RANBP3: variants seen among roughly 807,000 people sequenced by gnomAD.
RANBP3 encodes RAN binding protein 3.
A neutral mutation model predicts 77.3 loss-of-function variants in RANBP3; 14 were observed. That is an observed-to-expected ratio of 0.18 (90% CI 0.12 to 0.28). The LOEUF (loss-of-function observed/expected upper bound fraction) is 0.28, where lower values mean the gene tolerates loss of function less well. Ranked by LOEUF, RANBP3 falls within the 10% of genes least tolerant of loss-of-function variation. RANBP3 has a pLI of 1.00. For synonymous variants in RANBP3, 315 were observed against 312.4 expected (o/e 1.01, Z -0.09); for missense variants, 586 against 752.3 (o/e 0.78, Z 2.59).
At chr19:5,950,445 C>CT (rs1413207686) in intron 3 of RANBP3, 1 of 152,838 alleles carries the variant, frequency 6.5e-6, no homozygotes, top group Non-Finnish European at 1.5e-5. Flanking sequence ...CTGAACAGTG[C>CT]TTCCTAAGTG....
At chr19:5,943,070 C>G (rs1442700259) in intron 3 of RANBP3, among the ~76,000 whole-genome samples, 1 of 152,186 alleles carries the variant, frequency 6.6e-6, no homozygotes, top group Non-Finnish European at 1.5e-5. Flanking sequence ...TATCCTCTCC[C>G]CCAACACAAT....
Position 5,951,554 on chromosome 19 carries a change from G to A in RANBP3, c.121C>T (p.Pro41Ser), listed in dbSNP as rs1204744111. The change falls in exon 3 of 17, where the codon CCT (proline) becomes TCT (serine). Residue 41 changes from proline to serine, a missense_variant. Physicochemically the swap from Pro to Ser is moderately conservative, Grantham distance 74. This residue lies in a region of RANBP3 where 172 missense variants were observed against 183.4 expected (regional missense o/e 0.94). Coordinates refer to ENST00000340578, the MANE Select transcript of RANBP3 (RefSeq NM_007322.3). ...TGGGGGGCCTCAGCCTCCCCCCGAG[G>A]CTCCTCTCCCGAATCCGACAAGTTT... ...QKNLSDSGEE[P>S]RGEAEAPHHG... is the part of the protein sequence containing the mutation. 2 of 1,613,264 alleles carry A rather than the reference G, an allele frequency of 1.2e-6. No individual in the cohort carries two copies. Among genetic ancestry groups the A allele is most frequent in the Non-Finnish European group, 1.7e-6 (2 of 1,179,702 alleles).
chr19:5,935,631 CTG>C (rs2058053930), intron 5 of RANBP3: 7 of 446,798 alleles, frequency 1.6e-5, no homozygotes, highest in Non-Finnish European at 3.2e-5. Context: ...AGCCTGGGGG[CTG>C]GCCCGAGCTG....
In RANBP3 at chr19:5,958,058, CAT is replaced by C; in HGVS notation, c.23-87_23-86del. On this transcript the variant is annotated intron_variant, in intron 1 of 16. Transcript: ENST00000340578. This position sits in a 1 kb window ranked among gnomAD's most constrained non-coding sequence, Gnocchi z 4.4. ...CTACACTTGTTTGTAATATGTTAAA[CAT>C]ATATATAAATGAAACTAGTAACTCC... The C allele has an allele frequency of 8.2e-7, 1 of 1,222,480 alleles. No individual in the cohort carries two copies. Among genetic ancestry groups the C allele is most frequent in the Non-Finnish European group, 1.2e-6 (1 of 837,982 alleles). 75.7% of individuals were successfully genotyped at this position (1,222,480 alleles called of 1,614,324 possible).
In RANBP3 at chr19:5,917,893, CCTCCTG is replaced by C; in HGVS notation, c.1555_1560del (p.Gln519_Glu520del). On this transcript the variant is annotated inframe_deletion, in exon 16 of 17. Coordinates refer to ENST00000340578, the MANE Select transcript of RANBP3 (RefSeq NM_007322.3). ...CCAGGCTCAGGCGCGGGCATCTTGG[CCTCCTG>C]CTCCTGCTCCACGCGGCTGCGCAGG... is the stretch of plus-strand genomic sequence containing the variant. 1 of 1,612,898 alleles carries C rather than the reference CCTCCTG, an allele frequency of 6.2e-7. No individual in the cohort carries two copies. The highest frequency in any genetic ancestry group is 8.5e-7 in the Non-Finnish European group (1 of 1,179,940).
chr19:5,919,851 A>C (rs949197301), intron 14 of RANBP3, among the ~76,000 whole-genome samples: 3 of 151,748 alleles, frequency 2.0e-5, no homozygotes, highest in African/African-American at 7.3e-5. Context: ...CGGTGGGCCG[A>C]AACGAAGCCA....
At chr19:5,968,010 C>T (rs999986250) in intron 1 of RANBP3, among the ~76,000 whole-genome samples, 1 of 151,938 alleles carries the variant, frequency 6.6e-6, no homozygotes, top group East Asian at 1.9e-4. Context: ...GAGTGAGACT[C>T]TGTCTCCAAA....
At chr19:5,971,585 CT>C (rs2058531153) in intron 1 of RANBP3, among the ~76,000 whole-genome samples, 1 of 152,188 alleles carries the variant, frequency 6.6e-6, no homozygotes, top group Admixed American at 6.5e-5. Flanking sequence ...CAGATAGTGT[CT>C]TTGTGTTGTT....
At chr19:5,933,074 T>C (rs558475929) in intron 6 of RANBP3, 32 of 310,262 alleles carry the variant, frequency 1.0e-4, no homozygotes, top group Non-Finnish European at 1.6e-4. Context: ...CCCTGCTAAC[T>C]GGGGCGAACA....
chr19:5,942,057 G>C (rs1282272700), intron 3 of RANBP3, among the ~76,000 whole-genome samples: 6 of 152,172 alleles, frequency 3.9e-5, no homozygotes, highest in Non-Finnish European at 5.9e-5. Context: ...CCTCTCAGTG[G>C]CTGGGAAAGC....
chr19:5,932,896 A>C (rs2058013373), intron 6 of RANBP3: 1 of 325,730 alleles, frequency 3.1e-6, no homozygotes, highest in Non-Finnish European at 5.7e-6. Flanking sequence ...GTGTGGGGTC[A>C]CGTACAGGCA....
chr19:5,935,964 G>C (rs1463475696), intron 5 of RANBP3: 1 of 351,118 alleles, frequency 2.8e-6, no homozygotes, highest in Non-Finnish European at 5.9e-6. Flanking sequence ...CATCACTCCA[G>C]AGAGGAAGAG....
chr19:5,965,741 C>T (rs1312410042), intron 1 of RANBP3: 6 of 152,252 alleles, frequency 3.9e-5, no homozygotes, highest in African/African-American at 1.4e-4. Context: ...ACCTCTTAGA[C>T]TTATCTTAGT....
chr19:5,955,005 T>G (rs576379925), intron 2 of RANBP3, among the ~76,000 whole-genome samples: 2 of 152,340 alleles, frequency 1.3e-5, no homozygotes, highest in African/African-American at 4.8e-5. Context: ...GCCACAGAAG[T>G]GCGAGTGACA....
intron 1 of RANBP3, among the ~76,000 whole-genome samples, chr19:5,969,277 G>T (rs2058503555): frequency 6.6e-6 from 1 of 152,212 alleles, no homozygotes; most frequent in Non-Finnish European, 1.5e-5. Context: ...TCTCCTCTGA[G>T]CAGAGGGTAA....
chr19:5,931,353 G>A (rs768310191), intron 8 of RANBP3, 51 bp downstream of exon 8: 9 of 1,555,952 alleles, frequency 5.8e-6, no homozygotes, highest in African/African-American at 2.7e-5. Context: ...CTGCCCTCCC[G>A]CTCCCAAGGG....
intron 1 of RANBP3, among the ~76,000 whole-genome samples, chr19:5,963,358 T>C (rs1599789363): frequency 6.6e-6 from 1 of 152,034 alleles, no homozygotes; most frequent in Non-Finnish European, 1.5e-5. Flanking sequence ...TGAAGACCTG[T>C]CTGGGCAACA....
At chr19:5,965,802 C>A (rs1208859548) in intron 1 of RANBP3, 1 of 144,104 alleles carries the variant, frequency 6.9e-6, no homozygotes, top group African/African-American at 2.5e-5. Context: ...GTCTCCCAGA[C>A]GCGTGATGGT....
chr19:5,932,655 G>T (rs1037686107), intron 6 of RANBP3, 111 bp from the exon 7 acceptor site: 4 of 755,908 alleles, frequency 5.3e-6, no homozygotes, highest in Admixed American at 2.8e-5. Context: ...GCTAGACTTT[G>T]CAGGGAAGCA....
Sources: gnomAD v4.1 joint callset for allele counts (sites outside exome capture counted in the v4.1 genomes callset) on GRCh38, gnomAD v4.1.1 for gene constraint, gnomAD v4.1.1 regional missense constraint, Gnocchi (gnomAD v3.1) non-coding constraint, MANE v1.5 for transcripts, NCBI Gene and HGNC (gene_info 2026-07-23, HGNC 2026-07-21) for gene names.